The following MALRD1 variants were observed in gnomAD, a reference collection of about 807,000 sequenced individuals.
MALRD1 encodes the protein MAM and LDL receptor class A domain containing 1.
Under a neutral mutation model 242.1 loss-of-function variants are expected in MALRD1, and 247 were observed. The ratio of observed to expected loss-of-function variants is 1.02; its 90% confidence interval spans 0.92 to 1.13. MALRD1 has a LOEUF of 1.13. Ranked by LOEUF, MALRD1 falls within the 50% of genes most tolerant of loss-of-function variation. The pLI is 0.00. For synonymous variants in MALRD1, 995 were observed against 866.6 expected (o/e 1.15, Z -2.60); for missense variants, 2,989 against 2,533.1 (o/e 1.18, Z -3.86).
At position 19,072,190 on chromosome 10, in the gene MALRD1, A is replaced by G. The variant is rs185099521; in HGVS notation, c.340+5331A>G. Among the ~76,000 whole-genome samples, 7 of 152,316 alleles carry G rather than the reference A, an allele frequency of 4.6e-5. No individual in the cohort carries two copies. The East Asian group carries it at 1.4e-3, about 29-fold the overall frequency. Reference sequence around the variant, plus strand: ...GAGCATCTATACTGTTTGTAATCTGAGAAATTTCCATCGAACAACTCATCT... The same window carrying G: ...GAGCATCTATACTGTTTGTAATCTGGGAAATTTCCATCGAACAACTCATCT... On this transcript the variant is annotated intron_variant, in intron 2 of 39. Coordinates refer to ENST00000454679, the MANE Select transcript of MALRD1 (RefSeq NM_001142308.3).
At chr10:19,679,444 A>C (rs1346676265) in intron 36 of MALRD1, among the ~76,000 whole-genome samples, 3 of 152,082 alleles carry the variant, frequency 2.0e-5, no homozygotes, top group African/African-American at 7.2e-5. Flanking sequence ...GTTTATTTGC[A>C]TAGAGGTATT....
At chr10:19,085,632 A>G (rs1399573682) in intron 2 of MALRD1, among the ~76,000 whole-genome samples, 2 of 151,968 alleles carry the variant, frequency 1.3e-5, no homozygotes, top group South Asian at 2.1e-4. Flanking sequence ...GTGCCATAAC[A>G]CATACCAAAT....
intron 18 of MALRD1, among the ~76,000 whole-genome samples, chr10:19,226,328 T>A (rs1391524847): frequency 6.6e-6 from 1 of 152,160 alleles, no homozygotes; most frequent in Non-Finnish European, 1.5e-5. Context: ...AAAAGTACAT[T>A]TTCAAACTGA....
chr10:19,156,743 C>A (rs190969463), intron 12 of MALRD1, among the ~76,000 whole-genome samples: 6 of 152,252 alleles, frequency 3.9e-5, no homozygotes, highest in African/African-American at 1.2e-4. Context: ...CCTTTCCCAT[C>A]ATTGTATGCT....
At chr10:19,566,870 TA>T in intron 32 of MALRD1, among the ~76,000 whole-genome samples, 1 of 152,220 alleles carries the variant, frequency 6.6e-6, no homozygotes, top group Non-Finnish European at 1.5e-5. Flanking sequence ...TGCCATATGT[TA>T]TTTTTTTAAA....
chr10:19,119,394 T>A lies in MALRD1; in HGVS notation c.695-4098T>A, dbSNP rs541392819. 3.9e-5 allele frequency among the ~76,000 whole-genome samples: 6 copies of A among 151,952 alleles called. No homozygotes were observed. In the East Asian group the frequency reaches 9.7e-4, roughly 25 times the overall value. On this transcript the variant is annotated intron_variant, in intron 5 of 39. Coordinates refer to ENST00000454679, the MANE Select transcript of MALRD1 (RefSeq NM_001142308.3). ...GAGCCGGCTATGTGGGAGACTGGAG[T>A]TATATTATCATGCAAATCAGTCTCG...
intron 8 of MALRD1, 115 bp downstream of exon 8, chr10:19,128,502 T>C (rs925111959): frequency 3.3e-6 from 2 of 604,550 alleles, no homozygotes. Context: ...TTAACTTGAC[T>C]TTACTTGGTA....
chr10:19,265,752 T>G (rs75952314), intron 19 of MALRD1, among the ~76,000 whole-genome samples: 2,311 of 152,220 alleles, frequency 0.015, 59 homozygotes, highest in African/African-American at 0.053. Flanking sequence ...AAAGTTTCAT[T>G]TAAGTTCAAT....
intron 31 of MALRD1, among the ~76,000 whole-genome samples, chr10:19,525,238 T>C (rs1589195618): frequency 1.2e-5 from 1 of 85,982 alleles, no homozygotes; most frequent in Non-Finnish European, 2.2e-5. Flanking sequence ...AAGTATCAAC[T>C]TTTTTTTTTT....
chr10:19,205,611 A>G (rs1372276816), intron 17 of MALRD1, among the ~76,000 whole-genome samples: 5 of 152,132 alleles, frequency 3.3e-5, no homozygotes, highest in Admixed American at 1.3e-4. Context: ...GTGACCTTAT[A>G]TAATAGTGGC....
intron 18 of MALRD1, among the ~76,000 whole-genome samples, chr10:19,242,158 C>T (rs1838816870): frequency 6.6e-6 from 1 of 152,060 alleles, no homozygotes; most frequent in Admixed American, 6.6e-5. Context: ...GTCTCCCAAT[C>T]GTGATGGAAG....
chr10:19,226,823 T>C (rs1224547972), intron 18 of MALRD1, among the ~76,000 whole-genome samples: 1 of 151,986 alleles, frequency 6.6e-6, no homozygotes, highest in Admixed American at 6.6e-5. Context: ...TTTAACAAAG[T>C]TGTAGGATGA....
At chr10:19,336,713 G>A (rs962193315) in intron 24 of MALRD1, among the ~76,000 whole-genome samples, 1 of 152,018 alleles carries the variant, frequency 6.6e-6, no homozygotes, top group African/African-American at 2.4e-5. Flanking sequence ...AACATAAACT[G>A]TGGGCATTTG....
chr10:19,239,477 C>T (rs927133730), intron 18 of MALRD1, among the ~76,000 whole-genome samples: 3 of 152,114 alleles, frequency 2.0e-5, no homozygotes, highest in Non-Finnish European at 4.4e-5. Flanking sequence ...GTTTCCTTTG[C>T]TGTGCAAAAG....
rs1050945924 is a variant in MALRD1 at position 19,236,467 on chromosome 10, C to T, written c.2992-21217C>T. Among the ~76,000 whole-genome samples the T allele has an allele frequency of 2.6e-5, 4 of 152,158 alleles. No homozygotes were observed. The East Asian group carries it at 5.8e-4, about 22-fold the overall frequency. ...AGGAGTCTTGCATTATGTAATAAAA[C>T]TCCTTAGAAGGCCTATTAGGTTCCA... On this transcript the variant is annotated intron_variant, in intron 18 of 39. Coordinates refer to ENST00000454679, the MANE Select transcript of MALRD1 (RefSeq NM_001142308.3).
intron 4 of MALRD1, among the ~76,000 whole-genome samples, chr10:19,103,551 C>CAAAAGAA (rs752974246): frequency 1.6e-4 from 18 of 109,736 alleles, no homozygotes; most frequent in Admixed American, 1.0e-3. Flanking sequence ...GACTCCGTCT[C>CAAAAGAA]AAAAAAAAAA....
At chr10:19,487,950 T>G (rs1837308139) in intron 29 of MALRD1, among the ~76,000 whole-genome samples, 1 of 152,166 alleles carries the variant, frequency 6.6e-6, no homozygotes, top group Admixed American at 6.5e-5. Flanking sequence ...TTTAGTCAAG[T>G]CTGTAGAGTT....
chr10:19,544,568 C>CTT (rs370982591), intron 32 of MALRD1, among the ~76,000 whole-genome samples: 1 of 144,056 alleles, frequency 6.9e-6, no homozygotes, highest in Non-Finnish European at 1.5e-5. Flanking sequence ...ATTGCTGTGC[C>CTT]TTTTTTTTTT....
rs921938619 is a variant in MALRD1, at chr10:19,480,849, G to A, written c.5030-10668G>A. On this transcript the variant is annotated intron_variant, in intron 29 of 39. Transcript: ENST00000454679. ...ACAGGCTTTTTTTTGGCGGTTGGGG[G>A]GGATTGGGTCTGAAACTGTAAACCA... Among the ~76,000 whole-genome samples, 18 of 152,116 alleles carry A rather than the reference G, an allele frequency of 1.2e-4. No individual in the cohort carries two copies. The East Asian group carries it at 3.1e-3, about 26-fold the overall frequency.
Sources: gnomAD v4.1 joint callset for allele counts (sites outside exome capture counted in the v4.1 genomes callset) on GRCh38, gnomAD v4.1.1 for gene constraint, MANE v1.5 for transcripts, NCBI Gene and HGNC (gene_info 2026-07-23, HGNC 2026-07-21) for gene names.